The following FBXO7 variants were observed in gnomAD, a reference collection of about 807,000 sequenced individuals.
The protein encoded by FBXO7 is F-box protein 7, also known as F-box only protein 7.
In FBXO7, 31 loss-of-function variants were observed where a neutral mutation model predicts 50.2. That is an observed-to-expected ratio of 0.62 (90% confidence interval 0.46 to 0.83). The LOEUF is 0.83. Ranked by LOEUF, FBXO7 falls within the 40% of genes least tolerant of loss-of-function variation. The pLI is 0.00. For synonymous variants in FBXO7, 256 were observed against 253.1 expected, an observed-to-expected ratio of 1.01 and a Z score of -0.11; for missense variants, 667 against 646.6, an observed-to-expected ratio of 1.03 and a Z score of -0.34.
At chr22:32,479,617 G>A (rs939443679) in intron 2 of FBXO7, among the ~76,000 whole-genome samples, 5 of 151,938 alleles carry the variant, frequency 3.3e-5, no homozygotes, top group African/African-American at 9.7e-5. Flanking sequence ...GGATGGTCTC[G>A]ATCTCTTGAC....
chr22:32,495,407 TTTC>T (rs1471181260), intron 7 of FBXO7, 83 bp from the exon 8 acceptor site: 8 of 866,086 alleles, frequency 9.2e-6, no homozygotes, highest in East Asian at 2.5e-5. Context: ...AAGTTTCACT[TTTC>T]TTAGGAGAAA....
At chr22:32,493,491 A>G (rs1217470804) in intron 7 of FBXO7, among the ~76,000 whole-genome samples, 3 of 152,186 alleles carry the variant, frequency 2.0e-5, no homozygotes, top group Non-Finnish European at 4.4e-5. Context: ...CACTCATTAG[A>G]CTAAGAAGAT....
intron 5 of FBXO7, chr22:32,488,943 T>TG (rs771062800): frequency 6.6e-6 from 1 of 152,188 alleles, no homozygotes; most frequent in Non-Finnish European, 1.5e-5. Context: ...CCTGAGTAGA[T>TG]GGACTACAGG....
intron 2 of FBXO7, among the ~76,000 whole-genome samples, chr22:32,483,088 G>A (rs1017257582): frequency 1.3e-5 from 2 of 152,214 alleles, no homozygotes; most frequent in African/African-American, 4.8e-5. Context: ...GTCTTCATTT[G>A]TAGACCTGCA....
intron 8 of FBXO7, among the ~76,000 whole-genome samples, chr22:32,497,779 C>CA (rs1414578497): frequency 6.6e-5 from 10 of 152,356 alleles, no homozygotes; most frequent in African/African-American, 2.4e-4. Context: ...CAGCCTTTAG[C>CA]AACCAGCACC....
chr22:32,475,085 C>T lies in FBXO7; in HGVS notation c.83C>T (p.Ser28Leu), dbSNP rs774232250. 27 of 1,546,526 alleles carry T rather than the reference C, an allele frequency of 1.7e-5. No individual in the cohort carries two copies. The highest frequency in any genetic ancestry group is 4.1e-4 in the Middle Eastern group (2 of 4,868). ...ETEPTLGHLRSHLRQSLLCTW... is the reference protein window; with the variant it reads ...ETEPTLGHLRLHLRQSLLCTW... Reference sequence around the variant, plus strand: ...GAGCCGACGCTGGGGCATTTGCGCTCGCACCTGAGGCAGTCCCTGCTGTGC... The same window carrying T: ...GAGCCGACGCTGGGGCATTTGCGCTTGCACCTGAGGCAGTCCCTGCTGTGC... Residue 28 changes from serine to leucine, a missense_variant, in exon 1 of 9, where the codon TCG becomes TTG. Transcript: ENST00000266087.
At chr22:32,486,464 C>G (rs1431079444) in intron 4 of FBXO7, among the ~76,000 whole-genome samples, 2 of 151,944 alleles carry the variant, frequency 1.3e-5, no homozygotes, top group Non-Finnish European at 2.9e-5. Context: ...TCCTGAGTAG[C>G]TAGGACCACA....
chr22:32,475,120 T>C lies in FBXO7; in HGVS notation c.118T>C (p.Tyr40His). The C allele has an allele frequency of 1.3e-6, 2 of 1,542,342 alleles. No homozygotes were observed. The highest frequency in any genetic ancestry group is 5.0e-5 in the East Asian group (2 of 40,356). Residue 40 changes from tyrosine to histidine, a missense_variant, in exon 1 of 9, where the codon TAC (tyrosine) becomes CAC (histidine). Physicochemically the swap from Tyr to His is moderately conservative, Grantham distance 83 (BLOSUM62 2). Coordinates refer to ENST00000266087, the MANE Select transcript of FBXO7 (RefSeq NM_012179.4). ...GCAGTCCCTGCTGTGCACCTGGGGG[T>C]ACAGGTACGCTGGGGCCGGGGCTGG... is the stretch of plus-strand genomic sequence containing the variant. Reference protein sequence around the residue: ...LRQSLLCTWGYSSNTRFTITL... With the variant: ...LRQSLLCTWGHSSNTRFTITL...
At chr22:32,492,548 G>C (rs1337891214) in intron 6 of FBXO7, 1 of 154,104 alleles carries the variant, frequency 6.5e-6, no homozygotes. Context: ...TAACACTTGA[G>C]TGCTTATGCT....
chr22:32,477,135 G>A (rs558558266), intron 1 of FBXO7, among the ~76,000 whole-genome samples: 3 of 152,238 alleles, frequency 2.0e-5, no homozygotes, highest in Admixed American at 2.0e-4. Context: ...AAAGCATTTT[G>A]AAAAGAGAAG....
chr22:32,476,938 A>C (rs1024894019), intron 1 of FBXO7, among the ~76,000 whole-genome samples: 3 of 152,216 alleles, frequency 2.0e-5, no homozygotes, highest in Admixed American at 6.5e-5. Flanking sequence ...TATTAAGCGG[A>C]CCATGACCTT....
chr22:32,475,509 T>A, intron 1 of FBXO7: 1 of 1,393,892 alleles, frequency 7.2e-7, no homozygotes, highest in Non-Finnish European at 9.9e-7. Context: ...TGGCTTGGGT[T>A]AAACCTTTCT....
At chr22:32,488,628 A>G (rs530039070) in intron 5 of FBXO7, 3 of 152,386 alleles carry the variant, frequency 2.0e-5, no homozygotes, top group African/African-American at 7.2e-5. Context: ...GTCCTTTAGG[A>G]AAGGCTGGCT....
intron 7 of FBXO7, among the ~76,000 whole-genome samples, chr22:32,493,682 G>A (rs1042596084): frequency 6.6e-6 from 1 of 152,132 alleles, no homozygotes; most frequent in African/African-American, 2.4e-5. Flanking sequence ...ATTTCTGTAT[G>A]GTCACATTAT....
intron 1 of FBXO7, chr22:32,475,326 C>T (rs370784964): frequency 6.2e-7 from 1 of 1,607,504 alleles, no homozygotes; most frequent in Admixed American, 1.7e-5. Flanking sequence ...CGACGGGAAG[C>T]GCGGGTGGTC....
At chr22:32,490,856 T>C (rs938719175) in intron 5 of FBXO7, 12 of 487,678 alleles carry the variant, frequency 2.5e-5, no homozygotes, top group Non-Finnish European at 4.1e-5. Flanking sequence ...GCTAGAGAGG[T>C]TGGGCACAGC....
intron 4 of FBXO7, among the ~76,000 whole-genome samples, chr22:32,486,344 T>C (rs2057498430): frequency 6.6e-6 from 1 of 151,880 alleles, no homozygotes; most frequent in African/African-American, 2.4e-5. Flanking sequence ...TTCTTTTTTC[T>C]TTTTTTTGAG....
At position 32,498,224 on chromosome 22, in the gene FBXO7, C is replaced by CGA. The variant is rs768805553; in HGVS notation, c.1263_1264insGA (p.Ile422GlufsTer58). 1.9e-6 allele frequency: 3 copies of CGA among 1,614,224 alleles called. No individual in the cohort carries two copies. The highest frequency in any genetic ancestry group is 3.3e-5 in the Admixed American group (2 of 60,036). Reference sequence around the variant, plus strand: ...TGCTCCTGCCATCGTCAACTCACACCATTCCATTCTATCCCAACCCCTTGC... The same window carrying CGA: ...TGCTCCTGCCATCGTCAACTCACACCGAATTCCATTCTATCCCAACCCCTTGC... On this transcript the variant is annotated frameshift_variant, in exon 9 of 9. Coordinates refer to ENST00000266087, the MANE Select transcript of FBXO7 (RefSeq NM_012179.4). LOFTEE classifies it high-confidence loss of function.
chr22:32,482,547 A>G (rs1418163780), intron 2 of FBXO7, among the ~76,000 whole-genome samples: 2 of 152,220 alleles, frequency 1.3e-5, no homozygotes, highest in East Asian at 3.8e-4. Context: ...CAAAGCCCTG[A>G]ACTGCAAGTT....
Sources: gnomAD v4.1 joint callset for allele counts (sites outside exome capture counted in the v4.1 genomes callset) on GRCh38, gnomAD v4.1.1 for gene constraint, MANE v1.5 for transcripts, NCBI Gene and HGNC (gene_info 2026-07-23, HGNC 2026-07-21) for gene names.